The following COL26A1 variants were observed in gnomAD, a reference collection of about 807,000 sequenced individuals.
COL26A1 encodes collagen type XXVI alpha 1 chain.
A neutral mutation model predicts 59.3 loss-of-function variants in COL26A1; 41 were observed. The observed-to-expected ratio is 0.69, with a 90% CI of 0.54 to 0.90. The LOEUF is 0.90. Ranked by LOEUF, COL26A1 falls within the 40% of genes least tolerant of loss-of-function variation. The probability of loss-of-function intolerance (pLI) is 0.00; values close to 1 mark genes in which losing one functional copy is unlikely to be tolerated. For missense variants in COL26A1, 612 were observed against 602.3 expected, an observed-to-expected ratio of 1.02 and a Z score of -0.17; for synonymous variants, 266 against 256.0, an observed-to-expected ratio of 1.04 and a Z score of -0.37.
rs935374115 is a variant in COL26A1 at position 101,529,150 on chromosome 7, A to G, written c.386-3932A>G. 7.9e-5 allele frequency among the ~76,000 whole-genome samples: 12 copies of G among 152,312 alleles called. No homozygotes were observed. In the East Asian group the frequency reaches 1.9e-3, roughly 25 times the overall value. The stretch of plus-strand genomic sequence containing the variant: ...CACTGCACTTCAGCCCAGGCAACAG[A>G]GCAAGATTCTGTGTCAAAAGAAAAT... On this transcript the variant is annotated intron_variant, in intron 3 of 12. Transcript: ENST00000313669.
rs182803474 is a variant in COL26A1, at chr7:101,404,747, C to T, written c.159-15230C>T. Among the ~76,000 whole-genome samples, 427 of 152,094 alleles carry T rather than the reference C, an allele frequency of 2.8e-3. 1 individual carries two copies. The highest frequency in any genetic ancestry group is 9.2e-3 in the African/African-American group (380 of 41,496). On this transcript the variant is annotated intron_variant, in intron 1 of 12. Coordinates refer to ENST00000313669, the MANE Select transcript of COL26A1 (RefSeq NM_001278563.3). ...TCCCTGTCTCTACAAAAACAAAGTG[C>T]GAAAATTAGCTAAGTGTAATGATAC...
chr7:101,495,751 T>A (rs1794572129), intron 3 of COL26A1, among the ~76,000 whole-genome samples: 1 of 149,590 alleles, frequency 6.7e-6, no homozygotes, highest in Admixed American at 6.7e-5. Flanking sequence ...ACATCTGGCA[T>A]CTGGTCACTC....
intron 3 of COL26A1, among the ~76,000 whole-genome samples, chr7:101,477,067 C>G (rs908571603): frequency 6.6e-6 from 1 of 151,998 alleles, no homozygotes; most frequent in Non-Finnish European, 1.5e-5. Context: ...TGGTCTTGAA[C>G]TCCTGACCTC....
chr7:101,503,727 G>T (rs1181319592), intron 3 of COL26A1, among the ~76,000 whole-genome samples: 2 of 152,206 alleles, frequency 1.3e-5, no homozygotes, highest in African/African-American at 2.4e-5. Flanking sequence ...CGGACAGGGG[G>T]TCTGAACCAC....
intron 3 of COL26A1, among the ~76,000 whole-genome samples, chr7:101,452,339 C>T (rs1411230196): frequency 2.0e-5 from 3 of 152,148 alleles, no homozygotes; most frequent in Non-Finnish European, 2.9e-5. Context: ...GCTGTGGACC[C>T]ACCTTTCTCA....
chr7:101,531,264 C>A (rs937385351), intron 3 of COL26A1, among the ~76,000 whole-genome samples: 1 of 152,246 alleles, frequency 6.6e-6, no homozygotes, highest in Non-Finnish European at 1.5e-5. Flanking sequence ...AGCCACCACA[C>A]CCGGCCTACC....
intron 3 of COL26A1, among the ~76,000 whole-genome samples, chr7:101,465,030 CTTTCTTTTTTTT>C (rs1429181722): frequency 7.2e-6 from 1 of 139,344 alleles, no homozygotes; most frequent in East Asian, 2.0e-4. Flanking sequence ...CTAATTCTTT[CTTTCTTTTTTTT>C]TTTTTTTTTT....
chr7:101,512,060 T>A (rs1794937523), intron 3 of COL26A1, among the ~76,000 whole-genome samples: 1 of 152,176 alleles, frequency 6.6e-6, no homozygotes, highest in South Asian at 2.1e-4. Flanking sequence ...GAATGTGCTC[T>A]AGGTGCCCCA....
chr7:101,369,278 A>G (rs1791126786), intron 1 of COL26A1, among the ~76,000 whole-genome samples: 2 of 151,714 alleles, frequency 1.3e-5, no homozygotes, highest in Non-Finnish European at 2.9e-5. Context: ...ATGGTGGCGC[A>G]TGCCTGTAAT....
intron 3 of COL26A1, among the ~76,000 whole-genome samples, chr7:101,459,370 GC>G (rs934879671): frequency 3.3e-5 from 5 of 152,000 alleles, no homozygotes; most frequent in African/African-American, 1.2e-4. Context: ...ACGATCTCGT[GC>G]TCACTACAAC....
At chr7:101,389,393 T>C (rs961894405) in intron 1 of COL26A1, among the ~76,000 whole-genome samples, 1 of 149,892 alleles carries the variant, frequency 6.7e-6, no homozygotes, top group African/African-American at 2.5e-5. Context: ...TTTTTTTTTT[T>C]TTTTGAGATG....
chr7:101,528,791 C>T (rs1795305728), intron 3 of COL26A1, among the ~76,000 whole-genome samples: 1 of 152,182 alleles, frequency 6.6e-6, no homozygotes, highest in African/African-American at 2.4e-5. Flanking sequence ...TCAAGCGATC[C>T]ACCCACCTCA....
intron 3 of COL26A1, among the ~76,000 whole-genome samples, chr7:101,520,113 G>T (rs1859628): frequency 0.32 from 48,968 of 152,102 alleles, 8,181 homozygotes; most frequent in Middle Eastern, 0.38. Context: ...AGTCCCAGCT[G>T]TTTATCCAGG....
Position 101,363,614 on chromosome 7 carries a change from CTG to C in COL26A1, c.158+425_158+426del, listed in dbSNP as rs1562948196. On this transcript the variant is annotated intron_variant, in intron 1 of 12. Transcript: ENST00000313669. ...GAGGCTGGGGGTTGGGGCCGCGGGGCTGCGGGGCTGCGGGGTTGCGGGGGCTG... is the reference window on the plus strand; with the variant it reads ...GAGGCTGGGGGTTGGGGCCGCGGGGCCGGGGCTGCGGGGTTGCGGGGGCTG... 1.9e-3 allele frequency among the ~76,000 whole-genome samples: 270 copies of C among 143,316 alleles called. 10 individuals carry two copies. The East Asian group carries it at 0.044, about 23-fold the overall frequency. 94.0% of individuals were successfully genotyped at this position (143,316 alleles called of 152,430 possible).
rs368674667 is a variant in COL26A1, at chr7:101,540,310, G to A, written c.604+261G>A. 3.3e-5 allele frequency among the ~76,000 whole-genome samples: 5 copies of A among 152,324 alleles called. No individual in the cohort carries two copies. The East Asian group carries it at 7.7e-4, about 24-fold the overall frequency. On this transcript the variant is annotated intron_variant, in intron 5 of 12. Coordinates refer to ENST00000313669, the MANE Select transcript of COL26A1 (RefSeq NM_001278563.3). ...CCCAACACTTTGGGAGGCCGAGAAG[G>A]GTGGATCATTTGAGGTCAGGAGTTC... is the stretch of plus-strand genomic sequence containing the variant.
chr7:101,557,407 T>C lies in COL26A1; in HGVS notation c.1203T>C (p.Asp401=). The change falls in exon 13 of 13, where the codon GAT becomes GAC. Residue 401 remains aspartate, a synonymous_variant. Transcript: ENST00000313669. The part of the protein sequence containing the change: ...LASPEGGSGQ[D]AALRANLKMK... Reference sequence around the variant, plus strand: ...CCCCAGAGGGAGGTTCTGGCCAGGATGCTGCCCTGAGAGCCAACCTCAAGA... The same window carrying C: ...CCCCAGAGGGAGGTTCTGGCCAGGACGCTGCCCTGAGAGCCAACCTCAAGA... The C allele has an allele frequency of 6.2e-7, 1 of 1,613,840 alleles. No homozygotes were observed. The highest frequency in any genetic ancestry group is 8.5e-7 in the Non-Finnish European group (1 of 1,179,814).
intron 3 of COL26A1, among the ~76,000 whole-genome samples, chr7:101,468,308 A>T (rs1034287086): frequency 2.0e-5 from 3 of 152,136 alleles, no homozygotes; most frequent in Non-Finnish European, 4.4e-5. Context: ...TCTCAAAAAA[A>T]AAAAAATAAA....
intron 2 of COL26A1, among the ~76,000 whole-genome samples, chr7:101,441,900 G>A (rs1183250627): frequency 1.3e-5 from 2 of 152,166 alleles, no homozygotes; most frequent in Non-Finnish European, 2.9e-5. Flanking sequence ...CCTTACACCA[G>A]GCATCCTGGT....
At chr7:101,498,877 G>A (rs1056850538) in intron 3 of COL26A1, among the ~76,000 whole-genome samples, 13 of 152,190 alleles carry the variant, frequency 8.5e-5, no homozygotes, top group African/African-American at 3.1e-4. Flanking sequence ...CCCACCGCGC[G>A]CGGCACCCCT....
Sources: allele counts gnomAD v4.1 joint callset (sites outside exome capture counted in the v4.1 genomes callset), GRCh38; gene constraint gnomAD v4.1.1; transcripts MANE v1.5; gene names NCBI Gene and HGNC (gene_info 2026-07-23, HGNC 2026-07-21).